The following KXD1 variants were observed in gnomAD, a reference collection of about 807,000 sequenced individuals.
KXD1 encodes the protein KxDL motif containing 1, also known as kxDL motif-containing protein 1.
In KXD1, 5 loss-of-function variants were observed where a neutral mutation model predicts 12.1. The ratio of observed to expected loss-of-function variants is 0.41; its 90% CI spans 0.22 to 0.87. The LOEUF is 0.87. Ranked by LOEUF, KXD1 falls within the 40% of genes least tolerant of loss-of-function variation. KXD1 has a pLI of 0.31. For missense variants in KXD1, 193 were observed against 244.9 expected (o/e 0.79, Z 1.41); for synonymous variants, 98 against 100.5 (o/e 0.98, Z 0.15).
intron 3 of KXD1, chr19:18,565,229 AG>A: frequency 3.7e-6 from 4 of 1,088,164 alleles, no homozygotes; most frequent in Admixed American, 3.3e-5. Flanking sequence ...ATCGAGACAG[AG>A]TTTTTTTTTT....
rs532942694 is a variant in KXD1 at position 18,562,092 on chromosome 19, C to T, written c.36C>T (p.Cys12=). 8.6e-5 allele frequency: 138 copies of T among 1,613,196 alleles called. No homozygotes were observed. Among genetic ancestry groups the T allele is most frequent in the South Asian group, 4.3e-4 (39 of 90,860 alleles). Reference sequence around the variant, plus strand: ...CGGACTCGGCCTCGAGGGTCTTCTGCGGCCGCATCCTGAGCATGGTGAACA... The same window carrying T: ...CGGACTCGGCCTCGAGGGTCTTCTGTGGCCGCATCCTGAGCATGGTGAACA... ...DLPDSASRVF[C]GRILSMVNTD... is the part of the protein sequence containing the mutation. Residue 12 remains cysteine (C), a synonymous_variant, in exon 2 of 5, where the codon TGC becomes TGT. Transcript: ENST00000222307.
intron 1 of KXD1, 39 bp from the exon 2 acceptor site, chr19:18,561,997 G>T: frequency 7.2e-7 from 1 of 1,384,156 alleles, no homozygotes; most frequent in Non-Finnish European, 1.0e-6. Context: ...CACCTCACCT[G>T]GTGACTAGTG....
Position 18,565,291 on chromosome 19 carries a change from G to A in KXD1, c.254+270G>A, listed in dbSNP as rs535597415. ...GTTGCCCAGGCTGGAGTGCAGTGGCGCGACCTCAGCTCACTGCAAGCTCCG... is the reference window on the plus strand; with the variant it reads ...GTTGCCCAGGCTGGAGTGCAGTGGCACGACCTCAGCTCACTGCAAGCTCCG... On this transcript the variant is annotated intron_variant, in intron 3 of 4. Transcript: ENST00000222307. 4,648 of 801,410 alleles carry A rather than the reference G, an allele frequency of 5.8e-3. 30 individuals are homozygous for A. Among genetic ancestry groups the A allele is most frequent in the Middle Eastern group, 0.023 (58 of 2,526 alleles). 49.6% of individuals were successfully genotyped at this position (801,410 alleles called of 1,614,324 possible).
intron 4 of KXD1, 39 bp downstream of exon 4, chr19:18,567,217 G>C (rs1975288960): frequency 6.2e-7 from 1 of 1,607,460 alleles, no homozygotes; most frequent in African/African-American, 1.3e-5. Context: ...GAGCACGTCA[G>C]CACTCTCCAC....
chr19:18,562,006 T>C (rs1354162272), intron 1 of KXD1, 30 bp from the exon 2 acceptor site: 2 of 1,499,130 alleles, frequency 1.3e-6, no homozygotes, highest in African/African-American at 1.4e-5. Flanking sequence ...TGGTGACTAG[T>C]GCAGACCACT....
At chr19:18,568,188 A>C (rs556196804) in intron 4 of KXD1, among the ~76,000 whole-genome samples, 1 of 148,964 alleles carries the variant, frequency 6.7e-6, no homozygotes, top group Non-Finnish European at 1.5e-5. Flanking sequence ...AATCGCTTGA[A>C]CCCGGGAGAC....
intron 4 of KXD1, among the ~76,000 whole-genome samples, chr19:18,567,501 A>G (rs1021043214): frequency 1.3e-5 from 2 of 152,200 alleles, no homozygotes; most frequent in Non-Finnish European, 2.9e-5. Context: ...CAGCCCCGAC[A>G]TCGTCTCGCC....
Position 18,564,905 on chromosome 19 carries a change from C to G in KXD1, c.138C>G (p.Leu46=). The G allele has an allele frequency of 6.2e-7, 1 of 1,613,788 alleles. No homozygotes were observed. ...TTGAGAAGACCAATGAGATGCTGCT[C>G]AACTTCAACAACCTGTCCAGTGCCC... is the stretch of plus-strand genomic sequence containing the variant. ...DRFEKTNEML[L]NFNNLSSARL... Residue 46 remains leucine (L), a synonymous_variant, in exon 3 of 5, where the codon CTC becomes CTG. Coordinates refer to ENST00000222307, the MANE Select transcript of KXD1 (RefSeq NM_024069.4).
At chr19:18,558,800 G>A (rs377033919) in intron 1 of KXD1, 1 of 152,098 alleles carries the variant, frequency 6.6e-6, no homozygotes, top group South Asian at 2.1e-4. Flanking sequence ...ATCAGGGAAG[G>A]CTTCTTGGGA....
In KXD1 at chr19:18,563,805, A is replaced by AT. The variant is rs199688171; in HGVS notation, c.102-1057dup. Among the ~76,000 whole-genome samples, 877 of 148,910 alleles carry AT rather than the reference A, an allele frequency of 5.9e-3. 3 individuals are homozygous for AT. The highest frequency in any genetic ancestry group is 8.9e-3 in the Non-Finnish European group (597 of 67,222). On this transcript the variant is annotated intron_variant, in intron 2 of 4. Coordinates refer to ENST00000222307, the MANE Select transcript of KXD1 (RefSeq NM_024069.4). ...GTGTGAGCCACCGTGCCCGGCCCTG[A>AT]TTTTTTTATTTTTAGAAGAGATGTG...
intron 1 of KXD1, chr19:18,559,584 TCAGG>T (rs1275792916): frequency 6.6e-6 from 1 of 152,016 alleles, no homozygotes; most frequent in African/African-American, 2.4e-5. Flanking sequence ...ACATCAGAAG[TCAGG>T]CAGAAATCAG....
chr19:18,567,484 G>T (rs1235690841), intron 4 of KXD1, among the ~76,000 whole-genome samples: 1 of 152,220 alleles, frequency 6.6e-6, no homozygotes, highest in African/African-American at 2.4e-5. Context: ...ACGGGCTCAT[G>T]TGACACCAGC....
rs756772452 is a variant in KXD1, at chr19:18,568,556, G to C, written c.456G>C (p.Leu152=). Residue 152 remains leucine (L), a synonymous_variant, in exon 5 of 5, where the codon CTG becomes CTC. Transcript: ENST00000222307. ...CCCTGAGCCCCGGCTTCGAGGACCT[G>C]TCCCATGTCCAGCCTGGCTCCCCAG... ...SPSLSPGFED[L]SHVQPGSPAI... 1.2e-6 allele frequency: 2 copies of C among 1,613,774 alleles called. No individual in the cohort carries two copies. The highest frequency in any genetic ancestry group is 1.3e-5 in the African/African-American group (1 of 74,926).
chr19:18,562,472 G>C lies in KXD1; in HGVS notation c.101+315G>C, dbSNP rs190596779. 2.7e-3 allele frequency among the ~76,000 whole-genome samples: 404 copies of C among 152,224 alleles called. 1 individual carries two copies. Among genetic ancestry groups the C allele is most frequent in the African/African-American group, 9.4e-3 (389 of 41,544 alleles). Reference sequence around the variant, plus strand: ...AGGTTTTTTTGTTTATTTGTTTCTTGTTTTTGAGACAGAGTTTTGCTCTTG... The same window carrying C: ...AGGTTTTTTTGTTTATTTGTTTCTTCTTTTTGAGACAGAGTTTTGCTCTTG... On this transcript the variant is annotated intron_variant, in intron 2 of 4. Coordinates refer to ENST00000222307, the MANE Select transcript of KXD1 (RefSeq NM_024069.4).
At chr19:18,564,387 C>T (rs1038456364) in intron 2 of KXD1, among the ~76,000 whole-genome samples, 4 of 151,916 alleles carry the variant, frequency 2.6e-5, no homozygotes, top group East Asian at 2.0e-4. Flanking sequence ...TTTGGGAGGC[C>T]GAGGTGGGTG....
intron 2 of KXD1, 110 bp from the exon 3 acceptor site, chr19:18,564,759 A>G (rs529606962): frequency 2.4e-6 from 3 of 1,227,016 alleles, no homozygotes; most frequent in African/African-American, 3.0e-5. Flanking sequence ...GGAACAGCCC[A>G]TGCAAAGGTT....
Position 18,566,455 on chromosome 19 carries a change from C to CAAA in KXD1, c.255-664_255-662dup, listed in dbSNP as rs564291660. On this transcript the variant is annotated intron_variant, in intron 3 of 4. Transcript: ENST00000222307. Reference sequence around the variant, plus strand: ...TGGGCGACAGAGCGAGACTCCGTCTCAAAAAAAAAAAAAAAGTAACATAGT... The same window carrying CAAA: ...TGGGCGACAGAGCGAGACTCCGTCTCAAAAAAAAAAAAAAAAAAGTAACATAGT... 4.8e-4 allele frequency among the ~76,000 whole-genome samples: 56 copies of CAAA among 116,614 alleles called. 2 individuals carry two copies. In the Middle Eastern group the frequency reaches 0.023, roughly 49 times the overall value. 76.5% of individuals were successfully genotyped at this position (116,614 alleles called of 152,430 possible). A position where few individuals can be genotyped will look rare whatever the true frequency, so the allele number is the denominator to read the frequency against.
chr19:18,564,740 C>T, intron 2 of KXD1, 129 bp from the exon 3 acceptor site: 1 of 1,028,616 alleles, frequency 9.7e-7, no homozygotes, highest in Non-Finnish European at 1.5e-6. Flanking sequence ...TAGAACTCTG[C>T]AGGACAAGGG....
At chr19:18,566,366 G>A (rs1024311172) in intron 3 of KXD1, among the ~76,000 whole-genome samples, 6 of 151,354 alleles carry the variant, frequency 4.0e-5, no homozygotes, top group Non-Finnish European at 7.4e-5. Context: ...TACTCGGGAG[G>A]CTGAGGCAGG....
Sources: allele counts gnomAD v4.1 joint callset (sites outside exome capture counted in the v4.1 genomes callset), GRCh38; gene constraint gnomAD v4.1.1; transcripts MANE v1.5; gene names NCBI Gene and HGNC (gene_info 2026-07-23, HGNC 2026-07-21).